Variants in NFATC2 observed in about 807,000 individuals in gnomAD.
NFATC2 encodes nuclear factor of activated T cells 2.
A neutral mutation model predicts 87.3 loss-of-function variants in NFATC2; 22 were observed. The observed-to-expected ratio is 0.25, with a 90% CI of 0.18 to 0.36. The LOEUF is 0.36. NFATC2 is among the 10% of genes least tolerant of loss of function. The probability of loss-of-function intolerance (pLI) is 1.00; values close to 1 mark genes in which losing one functional copy is unlikely to be tolerated. For synonymous variants in NFATC2, 565 were observed against 542.2 expected (o/e 1.04, Z -0.58); for missense variants, 1,149 against 1,259.1 (o/e 0.91, Z 1.32).
intron 1 of NFATC2, among the ~76,000 whole-genome samples, chr20:51,556,749 T>C (rs1041785903): frequency 6.6e-6 from 1 of 152,098 alleles, no homozygotes; most frequent in Admixed American, 6.6e-5. Context: ...AAGGCCAGCA[T>C]GGAAGCAGCA....
At chr20:51,557,254 G>A (rs2076986559) in intron 1 of NFATC2, among the ~76,000 whole-genome samples, 1 of 152,158 alleles carries the variant, frequency 6.6e-6, no homozygotes, top group African/African-American at 2.4e-5. Context: ...ACATCCAGTA[G>A]GGAAAAGATG....
In NFATC2 at chr20:51,391,278, A is replaced by C; in HGVS notation, c.*218T>G. ...GTGAGAGTCCGCTTAGTGCCCATACATTGATCCGCGTGTGGACTCCGGGCT... is the reference window on the plus strand; with the variant it reads ...GTGAGAGTCCGCTTAGTGCCCATACCTTGATCCGCGTGTGGACTCCGGGCT... On this transcript the variant is annotated 3_prime_UTR_variant, in exon 11 of 11. Transcript: ENST00000371564. 1 of 1,062,662 alleles carries C rather than the reference A, an allele frequency of 9.4e-7. No homozygotes were observed. Among genetic ancestry groups the C allele is most frequent in the Non-Finnish European group, 1.5e-6 (1 of 678,362 alleles). The allele number at this position is 1,062,662 out of a possible 1,614,324, so 65.8% of individuals were successfully genotyped here.
intron 10 of NFATC2, among the ~76,000 whole-genome samples, chr20:51,391,768 A>C (rs979260113): frequency 2.0e-5 from 3 of 152,058 alleles, no homozygotes; most frequent in African/African-American, 7.2e-5. Context: ...CTCCCACCTG[A>C]GCCTCCCAAA....
intron 1 of NFATC2, among the ~76,000 whole-genome samples, chr20:51,530,990 G>A (rs2076624226): frequency 6.6e-6 from 1 of 152,202 alleles, no homozygotes; most frequent in Admixed American, 6.5e-5. Flanking sequence ...TGCAGAAAAA[G>A]CAGCTAAAAT....
At chr20:51,411,565 T>C (rs1243025558) in intron 9 of NFATC2, among the ~76,000 whole-genome samples, 2 of 149,110 alleles carry the variant, frequency 1.3e-5, no homozygotes, top group Admixed American at 6.7e-5. Context: ...TCTTGCTCTT[T>C]CTCCCAGGCT....
intron 1 of NFATC2, among the ~76,000 whole-genome samples, chr20:51,540,778 T>C (rs910293607): frequency 6.6e-6 from 1 of 151,488 alleles, no homozygotes; most frequent in African/African-American, 2.4e-5. Flanking sequence ...CCCTTCAGAT[T>C]TGGCTTGGAA....
rs1325907997 is a variant in NFATC2, at chr20:51,480,236, C to T, written c.1333-4576G>A. 6.6e-6 allele frequency among the ~76,000 whole-genome samples: 1 copy of T among 151,886 alleles called. No homozygotes were observed. The highest frequency in any genetic ancestry group is 2.4e-5 in the African/African-American group (1 of 41,294). On this transcript the variant is annotated intron_variant, in intron 3 of 10. Transcript: ENST00000371564. The surrounding 1 kb of genome is among the most constrained non-coding windows in gnomAD (Gnocchi z 4.2). ...CCGGGGGTTGGAGGTGGCAGTGAGC[C>T]GATATTGCACCACTGCACTCCCGCC...
chr20:51,426,464 C>T (rs867731814), intron 9 of NFATC2, among the ~76,000 whole-genome samples: 7 of 145,284 alleles, frequency 4.8e-5, no homozygotes, highest in Non-Finnish European at 9.0e-5. Context: ...GGCAACAGAG[C>T]GAGACTTTGT....
chr20:51,475,446 C>A lies in NFATC2; in HGVS notation c.1535+12G>T. On this transcript the variant is annotated intron_variant, in intron 4 of 10. Transcript: ENST00000371564. ...CCATGAAGACCCGCCGCCCTCAGCT[C>A]CCAGCCCTTACGTTGCCCTCATGTT... 1 of 1,613,260 alleles carries A rather than the reference C, an allele frequency of 6.2e-7. No individual in the cohort carries two copies. Among genetic ancestry groups the A allele is most frequent in the Non-Finnish European group, 8.5e-7 (1 of 1,180,014 alleles).
chr20:51,399,368 C>T (rs1200837974), intron 9 of NFATC2: 1 of 152,232 alleles, frequency 6.6e-6, no homozygotes, highest in African/African-American at 2.4e-5. Context: ...AAACACCTGT[C>T]TTCCCAATCC....
chr20:51,510,558 C>T lies in NFATC2; in HGVS notation c.1332+6226G>A, dbSNP rs542877566. 3.3e-4 allele frequency among the ~76,000 whole-genome samples: 51 copies of T among 152,328 alleles called. 1 individual carries two copies. The South Asian group carries it at 9.7e-3, about 29-fold the overall frequency. On this transcript the variant is annotated intron_variant, in intron 3 of 10. Coordinates refer to ENST00000371564, the MANE Select transcript of NFATC2 (RefSeq NM_012340.5). Reference sequence around the variant, plus strand: ...AAAGTCAGGCTTGTGCATTAAGATTCATTGGTTCCTCTGAAAGAACCCTAG... The same window carrying T: ...AAAGTCAGGCTTGTGCATTAAGATTTATTGGTTCCTCTGAAAGAACCCTAG...
intron 5 of NFATC2, among the ~76,000 whole-genome samples, chr20:51,460,718 A>G (rs560682727): frequency 6.6e-6 from 1 of 151,062 alleles, no homozygotes; most frequent in South Asian, 2.1e-4. Context: ...GGCGATCCGC[A>G]CGCCTCGCCC....
intron 1 of NFATC2, among the ~76,000 whole-genome samples, chr20:51,554,976 A>G (rs2076965333): frequency 6.6e-6 from 1 of 152,212 alleles, no homozygotes; most frequent in African/African-American, 2.4e-5. Flanking sequence ...TACCAAAGCC[A>G]GGGACCATCC....
intron 9 of NFATC2, among the ~76,000 whole-genome samples, chr20:51,427,205 G>A (rs1427971832): frequency 6.6e-6 from 1 of 152,118 alleles, no homozygotes; most frequent in Non-Finnish European, 1.5e-5. Context: ...GGGTTTGGTG[G>A]TGAGATGGCC....
chr20:51,530,369 A>G (rs1041670895), intron 1 of NFATC2, among the ~76,000 whole-genome samples: 2 of 152,072 alleles, frequency 1.3e-5, no homozygotes, highest in African/African-American at 4.8e-5. Context: ...GGGTTTCACC[A>G]TGTTGGTCAG....
intron 3 of NFATC2, among the ~76,000 whole-genome samples, chr20:51,484,485 T>A (rs1989541772): frequency 6.6e-6 from 1 of 152,242 alleles, no homozygotes; most frequent in Non-Finnish European, 1.5e-5. Flanking sequence ...CCATCTTTCC[T>A]GTTCATGGTG....
At chr20:51,392,347 C>T (rs575919768) in intron 10 of NFATC2, among the ~76,000 whole-genome samples, 2 of 152,282 alleles carry the variant, frequency 1.3e-5, no homozygotes, top group Non-Finnish European at 2.9e-5. Context: ...GTGTGGAGTT[C>T]CTAGCAGGGA....
At chr20:51,529,792 G>A (rs374382062) in intron 1 of NFATC2, among the ~76,000 whole-genome samples, 4 of 151,702 alleles carry the variant, frequency 2.6e-5, no homozygotes. Context: ...CACCACTACT[G>A]CAGATGGAAA....
intron 9 of NFATC2, among the ~76,000 whole-genome samples, chr20:51,418,302 G>T (rs192544552): frequency 1.6e-4 from 25 of 152,344 alleles, no homozygotes; most frequent in Admixed American, 3.3e-4. Context: ...TTCAGATGGT[G>T]GTTCTTAACC....
Sources: gnomAD v4.1 joint callset for allele counts (sites outside exome capture counted in the v4.1 genomes callset) on GRCh38, gnomAD v4.1.1 for gene constraint, Gnocchi (gnomAD v3.1) non-coding constraint, MANE v1.5 for transcripts, NCBI Gene and HGNC (gene_info 2026-07-23, HGNC 2026-07-21) for gene names.